Variants in QTMAN observed in about 807,000 individuals in gnomAD.
The protein encoded by QTMAN is queuosine-tRNA mannosyltransferase.
the QTMAN span, among the ~76,000 whole-genome samples, chr2:144,107,284 C>CA: frequency 4.7e-4 from 72 of 152,026 alleles, 1 homozygote; most frequent in East Asian, 0.012. Context: ...AATAGAGACA[C>CA]AAAAAACCCT....
the QTMAN span, among the ~76,000 whole-genome samples, chr2:144,283,464 C>T: frequency 1.3e-5 from 2 of 152,072 alleles, no homozygotes; most frequent in Non-Finnish European, 2.9e-5. Context: ...AAAAAAGGTT[C>T]AGATCTGACA....
the QTMAN span, among the ~76,000 whole-genome samples, chr2:144,251,160 T>C: frequency 6.6e-6 from 1 of 152,290 alleles, no homozygotes; most frequent in African/African-American, 2.4e-5. Context: ...CAAATTTTGC[T>C]AAAATAATTA....
the QTMAN span, chr2:144,177,090 G>GA: frequency 1.4e-6 from 1 of 696,778 alleles, no homozygotes; most frequent in Non-Finnish European, 2.6e-6. Flanking sequence ...AGCACCAAAG[G>GA]GGAAATCCAC....
the QTMAN span, among the ~76,000 whole-genome samples, chr2:143,995,518 A>G: frequency 6.6e-6 from 1 of 152,178 alleles, no homozygotes; most frequent in Non-Finnish European, 1.5e-5. Flanking sequence ...CCTCAGAACA[A>G]TTCTGTAATG....
the QTMAN span, among the ~76,000 whole-genome samples, chr2:143,962,134 A>G: frequency 6.6e-6 from 1 of 152,112 alleles, no homozygotes; most frequent in African/African-American, 2.4e-5. Flanking sequence ...CCATGGCCCT[A>G]TTATGGCAGC....
At chr2:144,310,894 A>G in the QTMAN span, among the ~76,000 whole-genome samples, 1 of 152,220 alleles carries the variant, frequency 6.6e-6, no homozygotes, top group Non-Finnish European at 1.5e-5. Flanking sequence ...CTAGAGTTCA[A>G]AGAAATAAAG....
chr2:144,145,741 T>C, the QTMAN span: 18 of 1,605,786 alleles, frequency 1.1e-5, no homozygotes, highest in Non-Finnish European at 1.4e-5. Flanking sequence ...AAGAGGGTCC[T>C]AGGAAACAAG....
the QTMAN span, among the ~76,000 whole-genome samples, chr2:144,036,620 A>AC: frequency 1.3e-5 from 2 of 152,316 alleles, no homozygotes; most frequent in African/African-American, 4.8e-5. Flanking sequence ...AAAAGAAGGT[A>AC]CCTACATATT....
the QTMAN span, among the ~76,000 whole-genome samples, chr2:144,029,600 T>C: frequency 1.3e-5 from 2 of 152,132 alleles, no homozygotes; most frequent in African/African-American, 4.8e-5. Flanking sequence ...AGGAATATTA[T>C]TCAAATTGGT....
At chr2:144,312,181 CT>C in the QTMAN span, among the ~76,000 whole-genome samples, 2,874 of 131,150 alleles carry the variant, frequency 0.022, 26 homozygotes, top group Non-Finnish European at 0.032. Flanking sequence ...GAGTTACATT[CT>C]TTTTTTTTTT....
chr2:144,073,845 G>A, the QTMAN span, among the ~76,000 whole-genome samples: 4 of 152,180 alleles, frequency 2.6e-5, no homozygotes, highest in Non-Finnish European at 4.4e-5. Context: ...TGAGTGAAAC[G>A]TACATTTATT....
the QTMAN span, among the ~76,000 whole-genome samples, chr2:144,071,633 C>T: frequency 6.6e-6 from 1 of 152,126 alleles, no homozygotes; most frequent in Non-Finnish European, 1.5e-5. Context: ...TGATTTTGGA[C>T]CTCCTCCCAG....
At chr2:143,972,499 T>C in the QTMAN span, among the ~76,000 whole-genome samples, 1 of 152,026 alleles carries the variant, frequency 6.6e-6, no homozygotes. Context: ...GGTTTGGAGT[T>C]GGGAGGAGGT....
the QTMAN span, among the ~76,000 whole-genome samples, chr2:144,324,161 T>G: frequency 6.6e-6 from 1 of 152,188 alleles, no homozygotes; most frequent in Admixed American, 6.5e-5. Flanking sequence ...TCTGTCTGAC[T>G]ACAGAATACA....
chr2:144,046,192 A>G, the QTMAN span, among the ~76,000 whole-genome samples: 1 of 152,216 alleles, frequency 6.6e-6, no homozygotes, highest in Non-Finnish European at 1.5e-5. Context: ...GGATGAATAG[A>G]TTTGATATTG....
the QTMAN span, among the ~76,000 whole-genome samples, chr2:144,020,020 T>C: frequency 6.6e-6 from 1 of 152,204 alleles, no homozygotes; most frequent in African/African-American, 2.4e-5. Flanking sequence ...TGCTCTCTGA[T>C]ATGAATGGAC....
the QTMAN span, among the ~76,000 whole-genome samples, chr2:144,083,628 G>A: frequency 6.6e-6 from 1 of 152,308 alleles, no homozygotes; most frequent in East Asian, 1.9e-4. Context: ...AATGTATGCA[G>A]TGATCCATAA....
the QTMAN span, among the ~76,000 whole-genome samples, chr2:144,307,160 A>T: frequency 0.014 from 507 of 35,964 alleles, 1 homozygote; most frequent in African/African-American, 0.029. Flanking sequence ...ACTCCGTCTT[A>T]AAAAAAAAAA....
the QTMAN span, among the ~76,000 whole-genome samples, chr2:144,284,375 T>C: frequency 4.6e-5 from 7 of 152,118 alleles, no homozygotes; most frequent in South Asian, 1.2e-3. Context: ...ACCTACATGA[T>C]ATATAAAATT....
Sources: allele counts gnomAD v4.1 joint callset (sites outside exome capture counted in the v4.1 genomes callset), GRCh38; gene constraint gnomAD v4.1.1; transcripts MANE v1.5; gene names NCBI Gene and HGNC (gene_info 2026-07-23, HGNC 2026-07-21).